The following ADGRE5 variants were observed in gnomAD, a reference collection of about 807,000 sequenced individuals.
ADGRE5 encodes the protein adhesion G protein-coupled receptor E5.
Under a neutral mutation model 100.3 loss-of-function variants are expected in ADGRE5, and 72 were observed. That is an observed-to-expected ratio of 0.72 (90% CI 0.59 to 0.87). ADGRE5 has a LOEUF of 0.87. ADGRE5 is among the 40% of genes least tolerant of loss of function. The pLI is 0.00. For missense variants in ADGRE5, 959 were observed against 1,094.7 expected (o/e 0.88, Z 1.75); for synonymous variants, 439 against 447.8 (o/e 0.98, Z 0.25).
intron 1 of ADGRE5, among the ~76,000 whole-genome samples, chr19:14,384,927 C>T (rs1438006012): frequency 2.7e-5 from 4 of 147,768 alleles, no homozygotes; most frequent in South Asian, 2.2e-4. Context: ...TCTCTGTCTC[C>T]GTCTCTGTCC....
intron 1 of ADGRE5, among the ~76,000 whole-genome samples, chr19:14,383,856 C>T (rs1975243807): frequency 6.6e-6 from 1 of 151,922 alleles, no homozygotes; most frequent in Non-Finnish European, 1.5e-5. Context: ...TGCCCAGGGC[C>T]CTGAGGACCT....
Position 14,401,356 on chromosome 19 carries a change from C to T in ADGRE5, c.898-30C>T, listed in dbSNP as rs767046489. On this transcript the variant is annotated intron_variant, in intron 9 of 19. Coordinates refer to ENST00000242786, the MANE Select transcript of ADGRE5 (RefSeq NM_078481.4). This position sits in a 1 kb window ranked among gnomAD's most constrained non-coding sequence, Gnocchi z 4.1. The stretch of plus-strand genomic sequence containing the variant: ...CAGGCAACCCCTGTGGTCTGATGCT[C>T]CAGCGATTCTGTCACCCGCCACCCC... The T allele has an allele frequency of 2.5e-6, 4 of 1,605,974 alleles. No individual in the cohort carries two copies. The highest frequency in any genetic ancestry group is 1.7e-5 in the Admixed American group (1 of 59,374).
chr19:14,394,367 C>T (rs1449214511), intron 4 of ADGRE5, among the ~76,000 whole-genome samples: 1 of 152,026 alleles, frequency 6.6e-6, no homozygotes, highest in Non-Finnish European at 1.5e-5. Flanking sequence ...GTGTCACAGC[C>T]CATGGGGCCT....
At chr19:14,385,845 G>C (rs1975329670) in intron 1 of ADGRE5, among the ~76,000 whole-genome samples, 1 of 150,096 alleles carries the variant, frequency 6.7e-6, no homozygotes, top group Non-Finnish European at 1.5e-5. Context: ...ATCTTGGCTT[G>C]CTGCAACTCT....
chr19:14,383,623 C>T (rs1349537371), intron 1 of ADGRE5, among the ~76,000 whole-genome samples: 1 of 151,996 alleles, frequency 6.6e-6, no homozygotes, highest in Non-Finnish European at 1.5e-5. Flanking sequence ...ACTGCCCCAC[C>T]ACCCCCCACC....
At chr19:14,386,344 A>G (rs1170438442) in intron 1 of ADGRE5, 1 of 139,772 alleles carries the variant, frequency 7.2e-6, no homozygotes, top group Admixed American at 7.7e-5. Flanking sequence ...ACACCACTGC[A>G]CTTCATCCTG....
rs1197212545 is a variant in ADGRE5, at chr19:14,401,226, A to T, written c.898-160A>T. Among the ~76,000 whole-genome samples the T allele has an allele frequency of 6.6e-6, 1 of 152,132 alleles. No individual in the cohort carries two copies. The highest frequency in any genetic ancestry group is 1.5e-5 in the Non-Finnish European group (1 of 68,032). On this transcript the variant is annotated intron_variant, in intron 9 of 19. Transcript: ENST00000242786. The surrounding 1 kb of genome is among the most constrained non-coding windows in gnomAD (Gnocchi z 4.1). Reference sequence around the variant, plus strand: ...GATTCATACGTGCATGCAGGCAAATACTCAATCCGTCGCTTGTTTTCTGGT... The same window carrying T: ...GATTCATACGTGCATGCAGGCAAATTCTCAATCCGTCGCTTGTTTTCTGGT...
chr19:14,392,320 A>C (rs1001346428), intron 4 of ADGRE5, among the ~76,000 whole-genome samples: 3 of 129,778 alleles, frequency 2.3e-5, no homozygotes, highest in African/African-American at 9.1e-5. Flanking sequence ...TTTGTTTTTG[A>C]GACAGAGTCT....
Position 14,406,771 on chromosome 19 carries a change from G to A in ADGRE5, c.2115+5G>A, listed in dbSNP as rs745926553. 1 of 1,613,966 alleles carries A rather than the reference G, an allele frequency of 6.2e-7. No homozygotes were observed. The highest frequency in any genetic ancestry group is 1.1e-5 in the South Asian group (1 of 91,076). Reference sequence around the variant, plus strand: ...CCTGTGACCTTCATCATTTTGGTAAGTACCCACTCTCCCTCCACCGAAGCC... The same window carrying A: ...CCTGTGACCTTCATCATTTTGGTAAATACCCACTCTCCCTCCACCGAAGCC... On this transcript the variant is annotated splice_donor_5th_base_variant and intron_variant, in intron 16 of 19. Transcript: ENST00000242786. The surrounding 1 kb of genome is among the most constrained non-coding windows in gnomAD (Gnocchi z 6.0).
chr19:14,397,658 A>G lies in ADGRE5; in HGVS notation c.626A>G (p.Asp209Gly). The G allele has an allele frequency of 6.5e-7, 1 of 1,542,996 alleles. No homozygotes were observed. Among genetic ancestry groups the G allele is most frequent in the East Asian group, 2.3e-5 (1 of 44,300 alleles). ...CTGACCCCCTTCTTCCTGTCCTCAG[A>G]TGTGGACGAGTGCAGCTCCGGGCAG... is the stretch of plus-strand genomic sequence containing the variant. ...PNGPNNTVCE[D>G]VDECSSGQHQ... The change falls in exon 7 of 20, where the codon GAT becomes GGT. Residue 209 changes from aspartate (D) to glycine (G), a missense_variant and splice_region_variant. Physicochemically the swap from Asp to Gly is moderately conservative, Grantham distance 94 (BLOSUM62 -1). This residue lies in a region of ADGRE5 where 83 missense variants were observed against 88.8 expected (regional missense o/e 0.93). Coordinates refer to ENST00000242786, the MANE Select transcript of ADGRE5 (RefSeq NM_078481.4).
At position 14,401,167 on chromosome 19, in the gene ADGRE5, A is replaced by T. The variant is rs1975993030; in HGVS notation, c.898-219A>T. ...ACAGGAAATCAAAACAGAGCCTGGC[A>T]GGCAGCCCGTGCCCAACCAGTGTTA... On this transcript the variant is annotated intron_variant, in intron 9 of 19. Transcript: ENST00000242786. The surrounding 1 kb of genome is among the most constrained non-coding windows in gnomAD (Gnocchi z 4.1). Among the ~76,000 whole-genome samples, 1 of 151,948 alleles carries T rather than the reference A, an allele frequency of 6.6e-6. No homozygotes were observed. Among genetic ancestry groups the T allele is most frequent in the South Asian group, 2.1e-4 (1 of 4,830 alleles).
chr19:14,407,542 T>C (rs1976315424), intron 18 of ADGRE5, among the ~76,000 whole-genome samples: 1 of 150,046 alleles, frequency 6.7e-6, no homozygotes, highest in Non-Finnish European at 1.5e-5. Context: ...CCCAGCTACT[T>C]GGGAGGCTGA....
chr19:14,389,015 T>C (rs999116085), intron 3 of ADGRE5, among the ~76,000 whole-genome samples, 197 bp downstream of exon 3: 6 of 149,108 alleles, frequency 4.0e-5, no homozygotes, highest in African/African-American at 9.9e-5. Context: ...GGCGGGCAGA[T>C]CGTTTGAGGC....
chr19:14,394,275 G>A (rs1435003153), intron 4 of ADGRE5, among the ~76,000 whole-genome samples: 1 of 152,132 alleles, frequency 6.6e-6, no homozygotes. Flanking sequence ...CCAGAGGTGA[G>A]ACGCTCAGAG....
chr19:14,407,030 G>A (rs1431113260), intron 17 of ADGRE5, 31 bp from the exon 18 acceptor site: 8 of 1,613,726 alleles, frequency 5.0e-6, no homozygotes, highest in Non-Finnish European at 6.8e-6. Context: ...AGGTGAGGTG[G>A]GGGCCCACGC....
At position 14,401,218 on chromosome 19, in the gene ADGRE5, A is replaced by G. The variant is rs1975995216; in HGVS notation, c.898-168A>G. Reference sequence around the variant, plus strand: ...AGCGCTGTGATTCATACGTGCATGCAGGCAAATACTCAATCCGTCGCTTGT... The same window carrying G: ...AGCGCTGTGATTCATACGTGCATGCGGGCAAATACTCAATCCGTCGCTTGT... On this transcript the variant is annotated intron_variant, in intron 9 of 19. Transcript: ENST00000242786. The surrounding 1 kb of genome is among the most constrained non-coding windows in gnomAD (Gnocchi z 4.1). Among the ~76,000 whole-genome samples, 1 of 152,202 alleles carries G rather than the reference A, an allele frequency of 6.6e-6. No homozygotes were observed. The highest frequency in any genetic ancestry group is 1.5e-5 in the Non-Finnish European group (1 of 68,038).
chr19:14,385,824 G>A (rs1599609028), intron 1 of ADGRE5, among the ~76,000 whole-genome samples: 1 of 150,862 alleles, frequency 6.6e-6, no homozygotes, highest in Non-Finnish European at 1.5e-5. Context: ...AGGCTGGAGT[G>A]CAGTGGCGTG....
intron 18 of ADGRE5, among the ~76,000 whole-genome samples, chr19:14,407,523 G>A (rs563381086): frequency 1.3e-4 from 19 of 152,000 alleles, no homozygotes; most frequent in Admixed American, 3.3e-4. Context: ...GGTGGCACAC[G>A]CCTGTAGTCC....
In ADGRE5 at chr19:14,398,136, C is replaced by T; in HGVS notation, c.894C>T (p.Ile298=). The part of the protein sequence containing the change: ...DSKTSSAEVT[I]QNVIKLVDEL... The stretch of plus-strand genomic sequence containing the variant: ...AGACAAGCTCAGCCGAGGTCACCAT[C>T]CAGGTAAGGGCAGGATGCTGGGGGA... The change falls in exon 9 of 20, where the codon ATC becomes ATT. Residue 298 remains isoleucine, a synonymous_variant. Transcript: ENST00000242786. 1 of 1,614,094 alleles carries T rather than the reference C, an allele frequency of 6.2e-7. No individual in the cohort carries two copies. The highest frequency in any genetic ancestry group is 8.5e-7 in the Non-Finnish European group (1 of 1,179,946).
Sources: gnomAD v4.1 joint callset for allele counts (sites outside exome capture counted in the v4.1 genomes callset) on GRCh38, gnomAD v4.1.1 for gene constraint, gnomAD v4.1.1 regional missense constraint, Gnocchi (gnomAD v3.1) non-coding constraint, MANE v1.5 for transcripts, NCBI Gene and HGNC (gene_info 2026-07-23, HGNC 2026-07-21) for gene names.